LRRFIP1: variants seen among roughly 807,000 people sequenced by gnomAD.
The protein encoded by LRRFIP1 is leucine-rich repeat flightless-interacting protein 1.
In LRRFIP1, 62 loss-of-function variants were observed where a neutral mutation model predicts 104.4. That is an observed-to-expected ratio of 0.59 (90% CI 0.48 to 0.73). The LOEUF (loss-of-function observed/expected upper bound fraction) is 0.73, where lower values mean the gene tolerates loss of function less well. LRRFIP1 is among the 30% of genes least tolerant of loss of function. LRRFIP1 has a pLI of 0.00. For missense variants in LRRFIP1, 796 were observed against 824.5 expected (o/e 0.97, Z 0.42); for synonymous variants, 300 against 299.0 (o/e 1.00, Z -0.03).
chr2:237,764,329 C>T (rs1337884529), intron 19 of LRRFIP1: 13 of 1,496,008 alleles, frequency 8.7e-6, no homozygotes, highest in Admixed American at 4.8e-5. Context: ...AGGTTATCAC[C>T]CAGATTAGAA....
At chr2:237,640,725 G>A (rs956631637) in intron 1 of LRRFIP1, among the ~76,000 whole-genome samples, 4 of 152,150 alleles carry the variant, frequency 2.6e-5, no homozygotes, top group African/African-American at 9.7e-5. Flanking sequence ...TCAGCCCTGG[G>A]CCTCCGCAGC....
chr2:237,772,366 G>A (rs972173006), intron 21 of LRRFIP1, 168 bp downstream of exon 21: 13 of 585,088 alleles, frequency 2.2e-5, no homozygotes, highest in Non-Finnish European at 4.0e-5. Flanking sequence ...CAGAACAATG[G>A]TGTTTCTCTC....
rs2085514713 is a variant in LRRFIP1 at position 237,649,397 on chromosome 2, G to C, written c.96+21657G>C. 6.6e-6 allele frequency among the ~76,000 whole-genome samples: 1 copy of C among 152,064 alleles called. No individual in the cohort carries two copies. The highest frequency in any genetic ancestry group is 1.5e-5 in the Non-Finnish European group (1 of 67,964). ...ACACAAAAAATTAGCCAGGCATAGT[G>C]GTGGGTGCCTGTAATCCCAGCTACT... On this transcript the variant is annotated intron_variant, in intron 1 of 23. Transcript: ENST00000308482. This position sits in a 1 kb window ranked among gnomAD's most constrained non-coding sequence, Gnocchi z 4.1.
chr2:237,780,125 CT>C lies in LRRFIP1; in HGVS notation c.*597del, dbSNP rs1256741237. On this transcript the variant is annotated 3_prime_UTR_variant, in exon 24 of 24. Coordinates refer to ENST00000308482, the MANE Select transcript of LRRFIP1 (RefSeq NM_001137550.2). ...GACTCTTTACAGGCAACAAATGAAG[CT>C]TTTCTAAGGGATTTTTGCATCAGTT... 5 of 152,114 alleles carry C rather than the reference CT, an allele frequency of 3.3e-5. No homozygotes were observed. In the East Asian group the frequency reaches 9.6e-4, roughly 29 times the overall value. 9.4% of individuals were successfully genotyped at this position (152,114 alleles called of 1,614,324 possible).
intron 1 of LRRFIP1, among the ~76,000 whole-genome samples, chr2:237,660,259 C>T (rs963815581): frequency 6.6e-6 from 1 of 152,186 alleles, no homozygotes; most frequent in Admixed American, 6.5e-5. Flanking sequence ...GTCCAAACTT[C>T]ACACATATTA....
chr2:237,692,718 G>A lies in LRRFIP1; in HGVS notation c.97-15826G>A, dbSNP rs533264059. Among the ~76,000 whole-genome samples the A allele has an allele frequency of 1.4e-4, 21 of 152,328 alleles. No individual in the cohort carries two copies. In the East Asian group the frequency reaches 3.1e-3, roughly 22 times the overall value. ...GCCCGGCGAGCGGCGTCCCTCATGCGCTAGGAAGCACGCTTTATTGTGGGA... is the reference window on the plus strand; with the variant it reads ...GCCCGGCGAGCGGCGTCCCTCATGCACTAGGAAGCACGCTTTATTGTGGGA... On this transcript the variant is annotated intron_variant, in intron 1 of 23. Transcript: ENST00000308482.
Position 237,757,483 on chromosome 2 carries a change from G to T in LRRFIP1, c.1159G>T (p.Ala387Ser). ...EEIRQLQQKQ[A>S]SSIREISDLQ... ...AATCCGACAGCTACAGCAGAAACAGGCGAGTTCTATCAGGGAGATTTCTGA... is the reference window on the plus strand; with the variant it reads ...AATCCGACAGCTACAGCAGAAACAGTCGAGTTCTATCAGGGAGATTTCTGA... The change falls in exon 17 of 24, where the codon GCG becomes TCG. Residue 387 changes from alanine to serine, a missense_variant. Coordinates refer to ENST00000308482, the MANE Select transcript of LRRFIP1 (RefSeq NM_001137550.2). 6.3e-7 allele frequency: 1 copy of T among 1,596,260 alleles called. No individual in the cohort carries two copies. The highest frequency in any genetic ancestry group is 1.1e-5 in the South Asian group (1 of 87,408).
At chr2:237,764,052 A>G in intron 19 of LRRFIP1, 3 of 1,614,218 alleles carry the variant, frequency 1.9e-6, no homozygotes, top group Non-Finnish European at 2.5e-6. Context: ...CCAGGAAGAG[A>G]GCCAGGGCAC....
At chr2:237,635,670 T>A (rs2082975711) in intron 1 of LRRFIP1, among the ~76,000 whole-genome samples, 1 of 152,096 alleles carries the variant, frequency 6.6e-6, no homozygotes, top group African/African-American at 2.4e-5. Context: ...AATATATTTT[T>A]TTTATTTAGC....
At chr2:237,663,550 C>A (rs1165446397) in intron 1 of LRRFIP1, among the ~76,000 whole-genome samples, 1 of 152,234 alleles carries the variant, frequency 6.6e-6, no homozygotes, top group African/African-American at 2.4e-5. Context: ...GGCTTCACAG[C>A]CTCTGGAACT....
intron 1 of LRRFIP1, among the ~76,000 whole-genome samples, chr2:237,632,056 T>C (rs2082416211): frequency 6.6e-6 from 1 of 152,140 alleles, no homozygotes. Context: ...GTGCTGTTGG[T>C]TCAGGCCTCA....
intron 1 of LRRFIP1, among the ~76,000 whole-genome samples, chr2:237,632,279 AT>A (rs2082484904): frequency 6.6e-6 from 1 of 152,232 alleles, no homozygotes; most frequent in Non-Finnish European, 1.5e-5. Context: ...TCAAGTAACC[AT>A]TTTGTGAGGT....
intron 1 of LRRFIP1, among the ~76,000 whole-genome samples, chr2:237,666,623 G>A (rs7568955): frequency 1.3e-5 from 2 of 148,958 alleles, no homozygotes; most frequent in African/African-American, 5.0e-5. Flanking sequence ...CGGTGGTGAC[G>A]GGTTGCAGGC....
At chr2:237,737,359 TG>T (rs1167221717) in intron 10 of LRRFIP1, among the ~76,000 whole-genome samples, 1 of 152,230 alleles carries the variant, frequency 6.6e-6, no homozygotes, top group East Asian at 1.9e-4. Context: ...CACAGCCACG[TG>T]GCCAACAAGA....
chr2:237,665,147 A>G (rs1333190337), intron 1 of LRRFIP1, among the ~76,000 whole-genome samples: 1 of 152,240 alleles, frequency 6.6e-6, no homozygotes, highest in East Asian at 1.9e-4. Context: ...CATTTACTTC[A>G]TTAACTTATG....
chr2:237,730,025 G>A (rs903257170), intron 8 of LRRFIP1, among the ~76,000 whole-genome samples: 1 of 152,166 alleles, frequency 6.6e-6, no homozygotes, highest in Non-Finnish European at 1.5e-5. Flanking sequence ...TCATTCAGAT[G>A]TACTCCAGTG....
At chr2:237,765,651 T>C (rs2060210516) in intron 19 of LRRFIP1, 1 of 972,936 alleles carries the variant, frequency 1.0e-6, no homozygotes, top group South Asian at 4.8e-5. Flanking sequence ...TACTGGAAAA[T>C]TCTTGTTTTG....
At chr2:237,685,108 T>TCC (rs994023452) in intron 1 of LRRFIP1, among the ~76,000 whole-genome samples, 1 of 11,362 alleles carries the variant, frequency 8.8e-5, no homozygotes, top group African/African-American at 2.3e-4. Flanking sequence ...CTCCCTACCC[T>TCC]CCCCCCCCCA....
rs759077827 is a variant in LRRFIP1 at position 237,751,155 on chromosome 2, C to T, written c.796-45C>T. 13 of 1,340,094 alleles carry T rather than the reference C, an allele frequency of 9.7e-6. 2 individuals carry two copies. The South Asian group carries it at 1.1e-4, about 12-fold the overall frequency. The allele number at this position is 1,340,094 out of a possible 1,614,324, so 83.0% of individuals were successfully genotyped here. On this transcript the variant is annotated intron_variant, in intron 13 of 23. Transcript: ENST00000308482. Reference sequence around the variant, plus strand: ...AAGTATAAAAGATTTAGGGAATCACCTGTTTTCCCTTGACATCATCTGCCT... The same window carrying T: ...AAGTATAAAAGATTTAGGGAATCACTTGTTTTCCCTTGACATCATCTGCCT...
Sources: gnomAD v4.1 joint callset for allele counts (sites outside exome capture counted in the v4.1 genomes callset) on GRCh38, gnomAD v4.1.1 for gene constraint, Gnocchi (gnomAD v3.1) non-coding constraint, MANE v1.5 for transcripts, NCBI Gene and HGNC (gene_info 2026-07-23, HGNC 2026-07-21) for gene names.